ZNF316: variants seen among roughly 807,000 people sequenced by gnomAD.
ZNF316 encodes zinc finger protein 316.
In ZNF316, 23 loss-of-function variants were observed where a neutral mutation model predicts 75.6. The observed-to-expected ratio is 0.30, with a 90% CI of 0.22 to 0.43. The LOEUF is 0.43. Ranked by LOEUF, ZNF316 falls within the 20% of genes least tolerant of loss-of-function variation. The pLI is 1.00. For missense variants in ZNF316, 1,266 were observed against 1,409.4 expected (o/e 0.90, Z 1.63); for synonymous variants, 827 against 666.2 (o/e 1.24, Z -3.72).
In ZNF316 at chr7:6,647,882, G is replaced by A. The variant is rs370470438; in HGVS notation, c.706+3289G>A. Among the ~76,000 whole-genome samples, 16 of 152,288 alleles carry A rather than the reference G, an allele frequency of 1.1e-4. No homozygotes were observed. In the East Asian group the frequency reaches 1.2e-3, roughly 11 times the overall value. On this transcript the variant is annotated intron_variant, in intron 8 of 8. Transcript: ENST00000382252. ...CTTCTGGGTCAGGCATGTGGCTGTGGGGCCACTGTCTTCCCCACAGCCGCT... is the reference window on the plus strand; with the variant it reads ...CTTCTGGGTCAGGCATGTGGCTGTGAGGCCACTGTCTTCCCCACAGCCGCT...
rs949763838 is a variant in ZNF316, at chr7:6,642,235, G to A, written c.-28-147G>A. ...CAGGGTAAGATCGTGGGAAGGCCCG[G>A]TCCTCCCTCATCTCCATTGCCTTCA... On this transcript the variant is annotated intron_variant, in intron 4 of 8. Coordinates refer to ENST00000382252, the MANE Select transcript of ZNF316 (RefSeq NM_001278559.2). The surrounding 1 kb of genome is among the most constrained non-coding windows in gnomAD (Gnocchi z 8.1). 4.9e-6 allele frequency: 2 copies of A among 406,004 alleles called. No individual in the cohort carries two copies. Among genetic ancestry groups the A allele is most frequent in the Non-Finnish European group, 8.6e-6 (2 of 233,850 alleles). The allele number at this position is 406,004 out of a possible 1,614,324, so 25.2% of individuals were successfully genotyped here. A position where few individuals can be genotyped will look rare whatever the true frequency, so the allele number is the denominator to read the frequency against.
At position 6,652,763 on chromosome 7, in the gene ZNF316, C is replaced by T; in HGVS notation, c.1167C>T (p.Ala389=). 1 of 1,268,422 alleles carries T rather than the reference C, an allele frequency of 7.9e-7. No individual in the cohort carries two copies. Among genetic ancestry groups the T allele is most frequent in the Middle Eastern group, 2.1e-4 (1 of 4,738 alleles). 78.6% of individuals were successfully genotyped at this position (1,268,422 alleles called of 1,614,324 possible). A position where few individuals can be genotyped will look rare whatever the true frequency, so the allele number is the denominator to read the frequency against. ...GKGFVYRSHL[A]IHQRTHTGEK... ...GCTTCGTGTACCGCTCGCACTTGGC[C>T]ATCCACCAGCGCACGCACACCGGCG... The change falls in exon 9 of 9, where the codon GCC becomes GCT. Residue 389 remains alanine, a synonymous_variant. Coordinates refer to ENST00000382252, the MANE Select transcript of ZNF316 (RefSeq NM_001278559.2).
chr7:6,639,084 C>T lies in ZNF316; in HGVS notation c.-224C>T, dbSNP rs1358803197. 1 of 152,252 alleles carries T rather than the reference C, an allele frequency of 6.6e-6. No individual in the cohort carries two copies. The highest frequency in any genetic ancestry group is 1.9e-4 in the East Asian group (1 of 5,194). 9.4% of individuals were successfully genotyped at this position (152,252 alleles called of 1,614,324 possible). ...TCTCTGGTCATCCGTGGGTGGACTT[C>T]TTGGGAGAAAGAACTCAGTGTCGTC... is the stretch of plus-strand genomic sequence containing the variant. On this transcript the variant is annotated 5_prime_UTR_variant, in exon 3 of 9. Transcript: ENST00000382252. This position sits in a 1 kb window ranked among gnomAD's most constrained non-coding sequence, Gnocchi z 4.2.
chr7:6,645,467 C>T (rs921092368), intron 8 of ZNF316, among the ~76,000 whole-genome samples: 5 of 146,978 alleles, frequency 3.4e-5, no homozygotes, highest in South Asian at 2.2e-4. Context: ...ACAGATCACT[C>T]GAGGTCAGGA....
intron 3 of ZNF316, among the ~76,000 whole-genome samples, chr7:6,641,238 G>A (rs748328162): frequency 1.8e-4 from 28 of 152,248 alleles, no homozygotes; most frequent in Non-Finnish European, 4.0e-4. Context: ...AGTGCTCTGT[G>A]TGGCCAAGTG....
Position 6,642,171 on chromosome 7 carries a change from T to G in ZNF316, c.-29+209T>G. ...TCCCAGGGGTCACGCGGAGGGGCCA[T>G]TGGGGCAGCCTTTCTGGGTACAGAA... is the stretch of plus-strand genomic sequence containing the variant. On this transcript the variant is annotated intron_variant, in intron 4 of 8. Coordinates refer to ENST00000382252, the MANE Select transcript of ZNF316 (RefSeq NM_001278559.2). This position sits in a 1 kb window ranked among gnomAD's most constrained non-coding sequence, Gnocchi z 8.1. 66 of 363,110 alleles carry G rather than the reference T, an allele frequency of 1.8e-4. No individual in the cohort carries two copies. The highest frequency in any genetic ancestry group is 7.2e-4 in the Middle Eastern group (1 of 1,388). The allele number at this position is 363,110 out of a possible 1,614,324, so 22.5% of individuals were successfully genotyped here.
At position 6,657,927 on chromosome 7, in the gene ZNF316, A is replaced by G. The variant is rs894341699; in HGVS notation, c.*3316A>G. ...AAAAAAAAAGTTTATAGGGAGAAAA[A>G]TACCCTCCCCCATCCAATGGTCATA... is the stretch of plus-strand genomic sequence containing the variant. On this transcript the variant is annotated 3_prime_UTR_variant, in exon 9 of 9. Coordinates refer to ENST00000382252, the MANE Select transcript of ZNF316 (RefSeq NM_001278559.2). 1.3e-5 allele frequency among the ~76,000 whole-genome samples: 2 copies of G among 151,986 alleles called. No individual in the cohort carries two copies. Among genetic ancestry groups the G allele is most frequent in the African/African-American group, 4.8e-5 (2 of 41,392 alleles).
chr7:6,649,054 C>T (rs1779459790), intron 8 of ZNF316, among the ~76,000 whole-genome samples: 1 of 152,074 alleles, frequency 6.6e-6, no homozygotes, highest in South Asian at 2.1e-4. Flanking sequence ...TCACCTGCCG[C>T]TGGATGGGGG....
intron 2 of ZNF316, among the ~76,000 whole-genome samples, chr7:6,638,670 C>T (rs183023767): frequency 9.9e-5 from 15 of 152,270 alleles, no homozygotes; most frequent in Admixed American, 2.0e-4. Context: ...TGAGGTGGCT[C>T]ACGCCTGTAA....
At chr7:6,650,075 A>G (rs1779480517) in intron 8 of ZNF316, among the ~76,000 whole-genome samples, 1 of 152,210 alleles carries the variant, frequency 6.6e-6, no homozygotes, top group Non-Finnish European at 1.5e-5. Context: ...CTACAAAATC[A>G]TAGTTGTTCC....
rs1243585713 is a variant in ZNF316, at chr7:6,653,364, G to C, written c.1768G>C (p.Gly590Arg). ...GGGCAACGGCCTGGGGGAGGGCGAA[G>C]GCCCCTCCTCCCACCCGCTGGGCTT... The part of the protein sequence containing the change: ...ELGNGLGEGE[G>R]PSSHPLGFHF... The change falls in exon 9 of 9, where the codon GGC becomes CGC. Residue 590 changes from glycine (G) to arginine (R), a missense_variant. Transcript: ENST00000382252. 1 of 1,226,142 alleles carries C rather than the reference G, an allele frequency of 8.2e-7. No homozygotes were observed. 76.0% of individuals were successfully genotyped at this position (1,226,142 alleles called of 1,614,324 possible). A position where few individuals can be genotyped will look rare whatever the true frequency, so the allele number is the denominator to read the frequency against.
intron 6 of ZNF316, among the ~76,000 whole-genome samples, 160 bp from the exon 7 acceptor site, chr7:6,643,662 C>A (rs1196519658): frequency 2.6e-5 from 4 of 152,184 alleles, no homozygotes; most frequent in Non-Finnish European, 5.9e-5. Flanking sequence ...GGGATCTGGT[C>A]CTTGCTTTCC....
rs1329124858 is a variant in ZNF316, at chr7:6,653,171, G to GGCC, written c.1581_1583dup (p.Ala528dup). 1.8e-5 allele frequency: 22 copies of GGCC among 1,202,102 alleles called. No individual in the cohort carries two copies. The highest frequency in any genetic ancestry group is 2.3e-5 in the Non-Finnish European group (22 of 969,342). The allele number at this position is 1,202,102 out of a possible 1,614,324, so 74.5% of individuals were successfully genotyped here. A position where few individuals can be genotyped will look rare whatever the true frequency, so the allele number is the denominator to read the frequency against. On this transcript the variant is annotated inframe_insertion, in exon 9 of 9. Transcript: ENST00000382252. ...CCCGGCGGGAGCCCGGCGAGACGGC[G>GGCC]GCCGCCGCGGGGCCCGAGGACACGG...
Position 6,644,506 on chromosome 7 carries a change from A to G in ZNF316, c.619A>G (p.Ile207Val). The G allele has an allele frequency of 8.1e-7, 1 of 1,232,214 alleles. No individual in the cohort carries two copies. Among genetic ancestry groups the G allele is most frequent in the Non-Finnish European group, 1.0e-6 (1 of 988,014 alleles). The allele number at this position is 1,232,214 out of a possible 1,614,324, so 76.3% of individuals were successfully genotyped here. The change falls in exon 8 of 9, where the codon ATC (isoleucine) becomes GTC (valine). Residue 207 changes from isoleucine to valine, a missense_variant. Around this residue, in one of 3 missense-constraint regions of ZNF316, gnomAD observed 961 missense variants for 990.9 expected, o/e 0.97. Coordinates refer to ENST00000382252, the MANE Select transcript of ZNF316 (RefSeq NM_001278559.2). ...ATACCCAATTCCCAAGCCCGATCTGATCTTCCGGCTGGAACAAGGGGAAGA... is the reference window on the plus strand; with the variant it reads ...ATACCCAATTCCCAAGCCCGATCTGGTCTTCCGGCTGGAACAAGGGGAAGA... ...LGYPIPKPDL[I>V]FRLEQGEEPW...
At position 6,653,337 on chromosome 7, in the gene ZNF316, C is replaced by G; in HGVS notation, c.1741C>G (p.Leu581Val). 8.2e-7 allele frequency: 1 copy of G among 1,226,228 alleles called. No individual in the cohort carries two copies. The highest frequency in any genetic ancestry group is 1.0e-6 in the Non-Finnish European group (1 of 985,062). 76.0% of individuals were successfully genotyped at this position (1,226,228 alleles called of 1,614,324 possible). The change falls in exon 9 of 9, where the codon CTG becomes GTG. Residue 581 changes from leucine to valine, a missense_variant. Transcript: ENST00000382252. Reference sequence around the variant, plus strand: ...CGCGCCGGAACGGCGCTTCCTGGAGCTGGGCAACGGCCTGGGGGAGGGCGA... The same window carrying G: ...CGCGCCGGAACGGCGCTTCCTGGAGGTGGGCAACGGCCTGGGGGAGGGCGA... Reference protein sequence around the residue: ...DPAPERRFLELGNGLGEGEGP... With the variant: ...DPAPERRFLEVGNGLGEGEGP...
chr7:6,646,683 C>T (rs143742494), intron 8 of ZNF316, among the ~76,000 whole-genome samples: 100 of 152,190 alleles, frequency 6.6e-4, no homozygotes, highest in Non-Finnish European at 1.1e-3. Flanking sequence ...TACTGAGTGG[C>T]TACCCTCCCC....
chr7:6,651,193 C>A (rs1469525247), intron 8 of ZNF316, among the ~76,000 whole-genome samples: 1 of 148,018 alleles, frequency 6.8e-6, no homozygotes, highest in Admixed American at 6.8e-5. Flanking sequence ...CTACTAAAAT[C>A]ATCATCATCA....
At position 6,654,458 on chromosome 7, in the gene ZNF316, C is replaced by G. The variant is rs866343925; in HGVS notation, c.2862C>G (p.Pro954=). 4.8e-5 allele frequency: 58 copies of G among 1,197,062 alleles called. No individual in the cohort carries two copies. Among genetic ancestry groups the G allele is most frequent in the Middle Eastern group, 3.3e-4 (1 of 3,012 alleles). The allele number at this position is 1,197,062 out of a possible 1,614,324, so 74.2% of individuals were successfully genotyped here. The change falls in exon 9 of 9, where the codon CCC becomes CCG. Residue 954 remains proline (P), a synonymous_variant. Transcript: ENST00000382252. ...PGSGSAPAPA[P]KPEAAAKGPS... ...CGGGTTCGGCCCCAGCCCCCGCGCC[C>G]AAGCCCGAGGCGGCCGCCAAGGGGC...
intron 8 of ZNF316, among the ~76,000 whole-genome samples, chr7:6,651,392 C>T (rs1322430185): frequency 5.3e-5 from 8 of 151,782 alleles, no homozygotes; most frequent in Non-Finnish European, 1.5e-5. Context: ...CGGTGGGTCA[C>T]GCCTGTAATC....
Sources: gnomAD v4.1 joint callset for allele counts (sites outside exome capture counted in the v4.1 genomes callset) on GRCh38, gnomAD v4.1.1 for gene constraint, gnomAD v4.1.1 regional missense constraint, Gnocchi (gnomAD v3.1) non-coding constraint, MANE v1.5 for transcripts, NCBI Gene and HGNC (gene_info 2026-07-23, HGNC 2026-07-21) for gene names.